The following ADCY8 variants were observed in gnomAD, a reference collection of about 807,000 sequenced individuals.
ADCY8 encodes adenylate cyclase type 8.
A neutral mutation model predicts 119.7 loss-of-function variants in ADCY8; 51 were observed. That is an observed-to-expected ratio of 0.43 (90% confidence interval 0.34 to 0.54). ADCY8 has a LOEUF of 0.54. Ranked by LOEUF, ADCY8 falls within the 20% of genes least tolerant of loss-of-function variation. ADCY8 has a pLI of 0.03. For synonymous variants in ADCY8, 665 were observed against 651.0 expected (o/e 1.02, Z -0.33); for missense variants, 1,383 against 1,598.8 (o/e 0.87, Z 2.30).
At chr8:130,798,496 T>TGCTGGCCAGGTGGC (rs1384891607) in intron 15 of ADCY8, among the ~76,000 whole-genome samples, 6 of 152,092 alleles carry the variant, frequency 3.9e-5, no homozygotes, top group African/African-American at 1.4e-4. Context: ...AGTTAGGTGG[T>TGCTGGCCAGGTGGC]GCTGGCCAGG....
chr8:130,908,110 T>C (rs1285669556), intron 6 of ADCY8, among the ~76,000 whole-genome samples: 1 of 152,226 alleles, frequency 6.6e-6, no homozygotes, highest in African/African-American at 2.4e-5. Flanking sequence ...TGCATGGTGA[T>C]GTGCTGATTT....
intron 6 of ADCY8, among the ~76,000 whole-genome samples, chr8:130,905,478 A>C (rs955877769): frequency 6.6e-6 from 1 of 152,218 alleles, no homozygotes; most frequent in African/African-American, 2.4e-5. Flanking sequence ...AGTTTACTTT[A>C]GTGTTCATTT....
intron 1 of ADCY8, among the ~76,000 whole-genome samples, chr8:131,035,914 A>G (rs2130816108): frequency 6.6e-6 from 1 of 152,274 alleles, no homozygotes; most frequent in East Asian, 1.9e-4. Context: ...CAGAATGATG[A>G]GCTAGCTACA....
chr8:130,799,762 G>A (rs1316452572), intron 15 of ADCY8, among the ~76,000 whole-genome samples: 2 of 152,232 alleles, frequency 1.3e-5, no homozygotes, highest in Admixed American at 6.5e-5. Context: ...TCCCTCTGGA[G>A]TTAGGCAGGG....
rs377172555 is a variant in ADCY8 at position 131,027,485 on chromosome 8, C to T, written c.960+11889G>A. Among the ~76,000 whole-genome samples, 113 of 152,186 alleles carry T rather than the reference C, an allele frequency of 7.4e-4. 3 individuals carry two copies. In the South Asian group the frequency reaches 0.021, roughly 29 times the overall value. ...ACTGGGGAGTGTTGGGGTGGTTCAG[C>T]GGAGCATGGGGTGGCTTGATGAATC... On this transcript the variant is annotated intron_variant, in intron 1 of 17. Coordinates refer to ENST00000286355, the MANE Select transcript of ADCY8 (RefSeq NM_001115.3).
intron 15 of ADCY8, among the ~76,000 whole-genome samples, chr8:130,792,314 AG>A (rs1223848702): frequency 6.6e-6 from 1 of 152,236 alleles, no homozygotes; most frequent in Admixed American, 6.5e-5. Flanking sequence ...CTCAGGGCTC[AG>A]GCCTCAGACC....
intron 9 of ADCY8, among the ~76,000 whole-genome samples, chr8:130,858,900 A>ATGTG (rs139305903): frequency 0.013 from 1,982 of 148,778 alleles, 46 homozygotes; most frequent in African/African-American, 0.042. Context: ...TATCATGTAT[A>ATGTG]TGTGTGTGTG....
At chr8:130,830,412 T>G (rs1030311696) in intron 12 of ADCY8, among the ~76,000 whole-genome samples, 2 of 152,154 alleles carry the variant, frequency 1.3e-5, no homozygotes, top group Admixed American at 6.5e-5. Context: ...TCATACCTGA[T>G]TGAATTAATC....
chr8:130,979,932 A>C (rs1176578715), intron 2 of ADCY8, among the ~76,000 whole-genome samples: 3 of 152,210 alleles, frequency 2.0e-5, no homozygotes, highest in African/African-American at 7.2e-5. Flanking sequence ...ATAAAAAATT[A>C]CCACACAATT....
chr8:131,026,947 C>A (rs986083034), intron 1 of ADCY8, among the ~76,000 whole-genome samples: 1 of 152,146 alleles, frequency 6.6e-6, no homozygotes, highest in African/African-American at 2.4e-5. Flanking sequence ...AAGATTGAGG[C>A]TCTTGTCAGT....
chr8:130,845,143 G>C (rs1817257757), intron 11 of ADCY8, among the ~76,000 whole-genome samples: 1 of 152,134 alleles, frequency 6.6e-6, no homozygotes, highest in South Asian at 2.1e-4. Flanking sequence ...AGGAAACTGA[G>C]GCACTGAAAC....
chr8:130,990,328 T>A (rs1822534709), intron 2 of ADCY8, 65 bp downstream of exon 2: 6 of 1,569,466 alleles, frequency 3.8e-6, no homozygotes, highest in East Asian at 4.5e-5. Flanking sequence ...AGTAAAACAG[T>A]AGCTCCATAT....
At chr8:130,849,505 T>A in intron 10 of ADCY8, 97 bp downstream of exon 10, 1 of 1,284,734 alleles carries the variant, frequency 7.8e-7, no homozygotes, top group Non-Finnish European at 1.1e-6. Flanking sequence ...AGGTAACTGG[T>A]ACCAAGGAAG....
chr8:131,004,877 C>T (rs573167083), intron 1 of ADCY8, among the ~76,000 whole-genome samples: 4 of 152,146 alleles, frequency 2.6e-5, no homozygotes, highest in Non-Finnish European at 1.5e-5. Flanking sequence ...CTTCTTCCCC[C>T]CTCAACTGGC....
intron 7 of ADCY8, among the ~76,000 whole-genome samples, chr8:130,886,718 A>G (rs576298246): frequency 1.3e-5 from 2 of 152,268 alleles, no homozygotes; most frequent in African/African-American, 4.8e-5. Flanking sequence ...GAAATCTGCT[A>G]CAACATCTGA....
At chr8:130,940,520 AT>A (rs1406009463) in intron 4 of ADCY8, among the ~76,000 whole-genome samples, 7 of 151,958 alleles carry the variant, frequency 4.6e-5, no homozygotes, top group Non-Finnish European at 4.4e-5. Context: ...ATACAAAAAA[AT>A]AAAATGTATG....
chr8:130,893,746 TTATG>T (rs905483645), intron 7 of ADCY8, among the ~76,000 whole-genome samples: 2 of 146,032 alleles, frequency 1.4e-5, no homozygotes, highest in African/African-American at 5.1e-5. Context: ...GTGTGCAAGT[TTATG>T]TGTGTGTGCA....
intron 7 of ADCY8, among the ~76,000 whole-genome samples, chr8:130,899,703 C>G (rs1253323033): frequency 6.6e-6 from 1 of 152,136 alleles, no homozygotes; most frequent in Non-Finnish European, 1.5e-5. Context: ...ACTTGAGTAT[C>G]TGTTAAATAA....
intron 2 of ADCY8, among the ~76,000 whole-genome samples, chr8:130,974,650 A>G (rs1049429518): frequency 6.6e-6 from 1 of 152,190 alleles, no homozygotes; most frequent in South Asian, 2.1e-4. Context: ...AGTTGAAAAA[A>G]TAAAAAGGCC....
Sources: allele counts gnomAD v4.1 joint callset (sites outside exome capture counted in the v4.1 genomes callset), GRCh38; gene constraint gnomAD v4.1.1; transcripts MANE v1.5; gene names NCBI Gene and HGNC (gene_info 2026-07-23, HGNC 2026-07-21).